The following PAPOLA variants were observed in gnomAD, a reference collection of about 807,000 sequenced individuals.
The protein encoded by PAPOLA is polynucleotide adenylyltransferase alpha.
Under a neutral mutation model 100.6 loss-of-function variants are expected in PAPOLA, and 15 were observed. The observed-to-expected ratio is 0.15, with a 90% CI of 0.10 to 0.23. PAPOLA has a LOEUF of 0.23. Among genes scored for constraint, PAPOLA ranks in the 10% least tolerant of loss-of-function variants. The pLI is 1.00. For synonymous variants in PAPOLA, 293 were observed against 300.0 expected (o/e 0.98, Z 0.24); for missense variants, 533 against 884.2 (o/e 0.60, Z 5.04).
At chr14:96,507,483 T>TTCACCGTGGTC (rs1896811521) in intron 1 of PAPOLA, among the ~76,000 whole-genome samples, 1 of 151,810 alleles carries the variant, frequency 6.6e-6, no homozygotes, top group Non-Finnish European at 1.5e-5. Flanking sequence ...GAGACGGGGT[T>TTCACCGTGGTC]TCACCGTGGT....
At chr14:96,531,992 C>G (rs1899059024) in intron 7 of PAPOLA, 2 of 1,235,778 alleles carry the variant, frequency 1.6e-6, no homozygotes. Flanking sequence ...TCTTGAAGAG[C>G]AGTTCTTGGA....
chr14:96,519,768 G>A (rs1181270605), intron 1 of PAPOLA, among the ~76,000 whole-genome samples: 1 of 152,182 alleles, frequency 6.6e-6, no homozygotes, highest in Admixed American at 6.5e-5. Context: ...TTCAAGAGGT[G>A]AAATTTCTCA....
At chr14:96,552,646 A>G in intron 17 of PAPOLA, 24 bp downstream of exon 17, 2 of 1,603,996 alleles carry the variant, frequency 1.2e-6, no homozygotes, top group Non-Finnish European at 1.7e-6. Flanking sequence ...GGGAAATAGA[A>G]GTGGAGGGGC....
At chr14:96,563,131 A>T (rs960410439) in intron 21 of PAPOLA, among the ~76,000 whole-genome samples, 2 of 152,206 alleles carry the variant, frequency 1.3e-5, no homozygotes, top group African/African-American at 4.8e-5. Flanking sequence ...ATTATTTGAT[A>T]CTGCAAATCA....
intron 7 of PAPOLA, 57 bp from the exon 8 acceptor site, chr14:96,532,274 T>C (rs1899089737): frequency 6.7e-7 from 1 of 1,502,446 alleles, no homozygotes; most frequent in Non-Finnish European, 8.8e-7. Flanking sequence ...TTTTTTTGTT[T>C]TGTTTTGTTT....
In PAPOLA at chr14:96,561,238, AT is replaced by A. The variant is rs1012417485; in HGVS notation, c.2067+536del. On this transcript the variant is annotated intron_variant, in intron 20 of 21. Transcript: ENST00000216277. ...ATGAGGTGTAGATGGGGTGGAAGAAATTTTTTTTTCCCCAAAATGTAAAAGA... is the reference window on the plus strand; with the variant it reads ...ATGAGGTGTAGATGGGGTGGAAGAAATTTTTTTTCCCCAAAATGTAAAAGA... Among the ~76,000 whole-genome samples, 41 of 148,082 alleles carry A rather than the reference AT, an allele frequency of 2.8e-4. No individual in the cohort carries two copies. In the South Asian group the frequency reaches 6.1e-3, roughly 22 times the overall value.
rs937108954 is a variant in PAPOLA, at chr14:96,565,310, A to T, written c.*260A>T. On this transcript the variant is annotated 3_prime_UTR_variant, in exon 22 of 22. Coordinates refer to ENST00000216277, the MANE Select transcript of PAPOLA (RefSeq NM_032632.5). ...ACTGCCTTTAAAAAAAACAACCTCA[A>T]GCTATATTTGTATTCATAATTGACA... 9.9e-5 allele frequency: 38 copies of T among 382,722 alleles called. No homozygotes were observed. Among genetic ancestry groups the T allele is most frequent in the Non-Finnish European group, 1.7e-4 (35 of 210,746 alleles). 23.7% of individuals were successfully genotyped at this position (382,722 alleles called of 1,614,324 possible). A position where few individuals can be genotyped will look rare whatever the true frequency, so the allele number is the denominator to read the frequency against.
chr14:96,502,480 C>G lies in PAPOLA; in HGVS notation c.-113C>G, dbSNP rs765191636. Reference sequence around the variant, plus strand: ...GGAGCGGTGCGGGAGAGGGGTTGGACCCAGGGCTGAGGCAGGCCCCCCCCT... The same window carrying G: ...GGAGCGGTGCGGGAGAGGGGTTGGAGCCAGGGCTGAGGCAGGCCCCCCCCT... On this transcript the variant is annotated 5_prime_UTR_variant, in exon 1 of 22. Transcript: ENST00000216277. 1.8e-5 allele frequency: 15 copies of G among 817,330 alleles called. No individual in the cohort carries two copies. The East Asian group carries it at 3.9e-4, about 21-fold the overall frequency. 50.6% of individuals were successfully genotyped at this position (817,330 alleles called of 1,614,324 possible).
rs1297744452 is a variant in PAPOLA, at chr14:96,520,836, GAGAGAGAGAGAA to G, written c.183-167_183-156del. ...GTGCCTGTATATATATATAGAAAGA[GAGAGAGAGAGAA>G]AGCGAGAGAGAGAGCGAGCGAGCGT... is the stretch of plus-strand genomic sequence containing the variant. On this transcript the variant is annotated intron_variant, in intron 2 of 21. Transcript: ENST00000216277. 25 of 533,440 alleles carry G rather than the reference GAGAGAGAGAGAA, an allele frequency of 4.7e-5. No individual in the cohort carries two copies. In the East Asian group the frequency reaches 7.5e-4, roughly 16 times the overall value. 33.0% of individuals were successfully genotyped at this position (533,440 alleles called of 1,614,324 possible).
At chr14:96,549,665 C>T (rs532009832) in intron 16 of PAPOLA, among the ~76,000 whole-genome samples, 2 of 152,246 alleles carry the variant, frequency 1.3e-5, no homozygotes, top group African/African-American at 4.8e-5. Flanking sequence ...TGCATGTTTC[C>T]ACATATTTAT....
rs1275058056 is a variant in PAPOLA, at chr14:96,552,636, G to T, written c.1664+14G>T. 18 of 1,608,304 alleles carry T rather than the reference G, an allele frequency of 1.1e-5. No homozygotes were observed. The highest frequency in any genetic ancestry group is 1.5e-5 in the Non-Finnish European group (18 of 1,177,354). On this transcript the variant is annotated intron_variant, in intron 17 of 21. Transcript: ENST00000216277. Reference sequence around the variant, plus strand: ...CAGCTCTCAGGGGTAAGGAAAAAGAGGGAAATAGAAGTGGAGGGGCTGTTT... The same window carrying T: ...CAGCTCTCAGGGGTAAGGAAAAAGATGGAAATAGAAGTGGAGGGGCTGTTT...
chr14:96,546,676 A>G (rs1900418322), intron 15 of PAPOLA, among the ~76,000 whole-genome samples: 1 of 152,142 alleles, frequency 6.6e-6, no homozygotes, highest in Non-Finnish European at 1.5e-5. Flanking sequence ...CACATGGAGC[A>G]AAAGGTAAAG....
At chr14:96,532,233 A>C in intron 7 of PAPOLA, 98 bp from the exon 8 acceptor site, 1 of 1,429,048 alleles carries the variant, frequency 7.0e-7, no homozygotes. Context: ...TGGAAGCATT[A>C]CCATTAAACT....
At position 96,520,867 on chromosome 14, in the gene PAPOLA, C is replaced by T. The variant is rs540684085; in HGVS notation, c.183-139C>T. The T allele has an allele frequency of 3.6e-4, 204 of 572,954 alleles. No individual in the cohort carries two copies. The South Asian group carries it at 4.1e-3, about 12-fold the overall frequency. 35.5% of individuals were successfully genotyped at this position (572,954 alleles called of 1,614,324 possible). ...GAGAGAAAGCGAGAGAGAGAGCGAGCGAGCGTGCACTAACTACAATATACT... is the reference window on the plus strand; with the variant it reads ...GAGAGAAAGCGAGAGAGAGAGCGAGTGAGCGTGCACTAACTACAATATACT... On this transcript the variant is annotated intron_variant, in intron 2 of 21. Transcript: ENST00000216277.
chr14:96,534,381 A>G, intron 9 of PAPOLA, 110 bp from the exon 10 acceptor site: 1 of 1,526,372 alleles, frequency 6.6e-7, no homozygotes, highest in Non-Finnish European at 8.8e-7. Context: ...GTATGTACCA[A>G]GAAGGCAGAA....
chr14:96,534,114 C>G, intron 9 of PAPOLA: 2 of 1,008,508 alleles, frequency 2.0e-6, no homozygotes, highest in African/African-American at 1.7e-5. Context: ...AAAATTATCA[C>G]TTGACTTTGG....
At position 96,531,831 on chromosome 14, in the gene PAPOLA, G is replaced by A; in HGVS notation, c.607+245G>A. ...CTCAGGACACTTAAAAAGACCATCT[G>A]ACTTTTGTACTCTGTTGCTAGTGAT... On this transcript the variant is annotated intron_variant, in intron 7 of 21. Coordinates refer to ENST00000216277, the MANE Select transcript of PAPOLA (RefSeq NM_032632.5). 5.0e-6 allele frequency: 7 copies of A among 1,407,482 alleles called. No individual in the cohort carries two copies. In the South Asian group the frequency reaches 1.1e-4, roughly 23 times the overall value. 87.2% of individuals were successfully genotyped at this position (1,407,482 alleles called of 1,614,324 possible).
chr14:96,523,553 C>T (rs530924735), intron 3 of PAPOLA, among the ~76,000 whole-genome samples: 7 of 152,342 alleles, frequency 4.6e-5, no homozygotes, highest in African/African-American at 1.2e-4. Context: ...CTTGTGCACA[C>T]GTCTTGCTGG....
At chr14:96,517,653 A>G (rs1456458699) in intron 1 of PAPOLA, among the ~76,000 whole-genome samples, 2 of 151,466 alleles carry the variant, frequency 1.3e-5, no homozygotes, top group African/African-American at 4.9e-5. Flanking sequence ...GAGATGCTAC[A>G]TATGATTGGA....
Sources: gnomAD v4.1 joint callset for allele counts (sites outside exome capture counted in the v4.1 genomes callset) on GRCh38, gnomAD v4.1.1 for gene constraint, MANE v1.5 for transcripts, NCBI Gene and HGNC (gene_info 2026-07-23, HGNC 2026-07-21) for gene names.